Variants in THSD7B observed in about 807,000 individuals in gnomAD.
THSD7B encodes the protein thrombospondin type-1 domain-containing protein 7B.
In THSD7B, 138 loss-of-function variants were observed where a neutral mutation model predicts 213.6. The observed-to-expected ratio is 0.65, with a 90% CI of 0.56 to 0.74. The LOEUF is 0.74. THSD7B is among the 30% of genes least tolerant of loss of function. THSD7B has a pLI of 0.00. For missense variants in THSD7B, 1,931 were observed against 1,991.5 expected, an observed-to-expected ratio of 0.97 and a Z score of 0.58; for synonymous variants, 742 against 687.0, an observed-to-expected ratio of 1.08 and a Z score of -1.25.
At chr2:137,286,283 TGGA>T (rs1683176986) in intron 12 of THSD7B, among the ~76,000 whole-genome samples, 1 of 152,110 alleles carries the variant, frequency 6.6e-6, no homozygotes. Flanking sequence ...GTTATCTTCA[TGGA>T]GAGAAGGTTA....
chr2:136,980,846 C>T, intron 2 of THSD7B, among the ~76,000 whole-genome samples: 1 of 152,198 alleles, frequency 6.6e-6, no homozygotes, highest in East Asian at 1.9e-4. Flanking sequence ...TCACTCACCG[C>T]CTCTCTTGGC....
In THSD7B at chr2:137,207,026, AG is replaced by A. The variant is rs200541275; in HGVS notation, c.1724-24017del. Among the ~76,000 whole-genome samples, 6 of 147,836 alleles carry A rather than the reference AG, an allele frequency of 4.1e-5. No homozygotes were observed. In the South Asian group the frequency reaches 1.1e-3, roughly 27 times the overall value. On this transcript the variant is annotated intron_variant, in intron 7 of 27. Coordinates refer to ENST00000409968, the MANE Select transcript of THSD7B (RefSeq NM_001316349.2). ...ACTGTTTTTCCAAAAAGGAAAGTTC[AG>A]AGGGGAGAGAGGATGTTGATGTTAG...
At chr2:136,787,644 T>A (rs1681890256) in intron 1 of THSD7B, among the ~76,000 whole-genome samples, 1 of 152,146 alleles carries the variant, frequency 6.6e-6, no homozygotes, top group Non-Finnish European at 1.5e-5. Flanking sequence ...CAAATATAAA[T>A]ATTTATGGTT....
chr2:136,840,709 G>A lies in THSD7B; in HGVS notation c.-35-41435G>A, dbSNP rs76388480. Among the ~76,000 whole-genome samples the A allele has an allele frequency of 3.9e-3, 590 of 152,276 alleles. 18 individuals carry two copies. The East Asian group carries it at 0.085, about 22-fold the overall frequency. ...GGGTCACTGGAGAATTTGAAACACA[G>A]GAGGGGTATGATCCAAGTTATATTC... On this transcript the variant is annotated intron_variant, in intron 1 of 27. Transcript: ENST00000409968.
At chr2:137,493,122 CAA>C (rs376770053) in intron 15 of THSD7B, among the ~76,000 whole-genome samples, 13 of 44,220 alleles carry the variant, frequency 2.9e-4, no homozygotes, top group African/African-American at 1.1e-3. Flanking sequence ...CTCTCTCTCT[CAA>C]AAAAAAAAAA....
At chr2:137,320,465 G>A (rs1684238564) in intron 12 of THSD7B, among the ~76,000 whole-genome samples, 3 of 152,130 alleles carry the variant, frequency 2.0e-5, no homozygotes, top group Admixed American at 2.0e-4. Flanking sequence ...GTCTTTGGTT[G>A]AGGAAATGAC....
chr2:137,001,572 T>C (rs1417074562), intron 2 of THSD7B, among the ~76,000 whole-genome samples: 1 of 152,162 alleles, frequency 6.6e-6, no homozygotes, highest in African/African-American at 2.4e-5. Flanking sequence ...CAATTTTATT[T>C]CCAGTTCTAC....
At chr2:137,111,937 T>C (rs1688353914) in intron 4 of THSD7B, among the ~76,000 whole-genome samples, 1 of 152,172 alleles carries the variant, frequency 6.6e-6, no homozygotes, top group African/African-American at 2.4e-5. Flanking sequence ...ATGAGGCTGC[T>C]TTGAAAGGCA....
chr2:136,979,347 G>C (rs1685537101), intron 2 of THSD7B, among the ~76,000 whole-genome samples: 2 of 152,084 alleles, frequency 1.3e-5, no homozygotes, highest in Non-Finnish European at 2.9e-5. Context: ...TATTTTGCTA[G>C]GTTTGGGAAG....
intron 5 of THSD7B, among the ~76,000 whole-genome samples, chr2:137,143,698 T>A (rs899338187): frequency 2.6e-5 from 4 of 152,118 alleles, no homozygotes; most frequent in Non-Finnish European, 5.9e-5. Context: ...ACGCTGACCT[T>A]TCATGCATGC....
chr2:137,185,634 A>T (rs554164068), intron 7 of THSD7B, among the ~76,000 whole-genome samples: 1 of 152,124 alleles, frequency 6.6e-6, no homozygotes, highest in African/African-American at 2.4e-5. Flanking sequence ...TTTTAATGCA[A>T]TCCACCTTTG....
intron 7 of THSD7B, among the ~76,000 whole-genome samples, chr2:137,202,301 T>A (rs371759038): frequency 2.6e-4 from 40 of 152,222 alleles, no homozygotes; most frequent in African/African-American, 9.1e-4. Flanking sequence ...GAAAAGGGTG[T>A]CTGCTAATGT....
At chr2:136,929,263 G>T (rs932480481) in intron 2 of THSD7B, among the ~76,000 whole-genome samples, 1 of 152,148 alleles carries the variant, frequency 6.6e-6, no homozygotes, top group African/African-American at 2.4e-5. Context: ...ATTTCAGTTT[G>T]TAAAACAGAT....
chr2:137,317,549 C>A lies in THSD7B; in HGVS notation c.2500+41523C>A, dbSNP rs372051945. ...TAAATATCTCCAGAGGAAAAAATTT[C>A]TCAGATAGTTTCAACATAAACCAGT... On this transcript the variant is annotated intron_variant, in intron 12 of 27. Coordinates refer to ENST00000409968, the MANE Select transcript of THSD7B (RefSeq NM_001316349.2). 3.9e-5 allele frequency among the ~76,000 whole-genome samples: 6 copies of A among 152,300 alleles called. No homozygotes were observed. The East Asian group carries it at 7.7e-4, about 20-fold the overall frequency.
intron 17 of THSD7B, among the ~76,000 whole-genome samples, chr2:137,584,944 C>T (rs1054697641): frequency 2.0e-5 from 3 of 152,056 alleles, no homozygotes; most frequent in African/African-American, 2.4e-5. Flanking sequence ...TGGTAGAATT[C>T]GGCTGTGAAT....
chr2:137,360,406 G>T (rs758238281), intron 12 of THSD7B, among the ~76,000 whole-genome samples: 17 of 152,126 alleles, frequency 1.1e-4, no homozygotes, highest in Non-Finnish European at 2.4e-4. Flanking sequence ...GAAGCAGAGT[G>T]GGGCACTTCT....
chr2:137,365,559 A>G (rs962559407), intron 12 of THSD7B, among the ~76,000 whole-genome samples: 6 of 151,972 alleles, frequency 3.9e-5, no homozygotes, highest in Non-Finnish European at 5.9e-5. Flanking sequence ...AAATCAAACA[A>G]CCCATCAAAA....
At chr2:137,252,973 A>C (rs1682222787) in intron 10 of THSD7B, among the ~76,000 whole-genome samples, 2 of 136,870 alleles carry the variant, frequency 1.5e-5, no homozygotes, top group Admixed American at 1.5e-4. Context: ...GGCTGTTGTG[A>C]ATTAGGTAGA....
intron 17 of THSD7B, among the ~76,000 whole-genome samples, chr2:137,608,944 G>T (rs546868628): frequency 6.6e-6 from 1 of 152,276 alleles, no homozygotes; most frequent in East Asian, 1.9e-4. Context: ...TGTGTTGTAT[G>T]CTATCTTTTT....
Sources: allele counts gnomAD v4.1 joint callset (sites outside exome capture counted in the v4.1 genomes callset), GRCh38; gene constraint gnomAD v4.1.1; transcripts MANE v1.5; gene names NCBI Gene and HGNC (gene_info 2026-07-23, HGNC 2026-07-21).